Variants in CLDN14 observed in about 807,000 individuals in gnomAD.
CLDN14 encodes claudin 14, also known as claudin-14.
A neutral mutation model predicts 2.1 loss-of-function variants in CLDN14; 2 were observed. The ratio of observed to expected loss-of-function variants is 0.96; its 90% CI spans 0.39 to 3.01. The LOEUF (loss-of-function observed/expected upper bound fraction) is 3.01. Ranked by LOEUF, CLDN14 falls within the 30% of genes most tolerant of loss-of-function variation. The pLI is 0.09. For missense variants in CLDN14, 298 were observed against 328.0 expected (o/e 0.91, Z 0.71); for synonymous variants, 136 against 154.4 (o/e 0.88, Z 0.88).
intron 2 of CLDN14, chr21:36,486,138 C>T (rs773431634): frequency 2.0e-5 from 26 of 1,285,608 alleles, no homozygotes; most frequent in Middle Eastern, 1.8e-4. Context: ...TGCATCACGT[C>T]GTAATCATCC....
chr21:36,482,639 G>A (rs1351251513), upstream of CLDN14, among the ~76,000 whole-genome samples: 4 of 152,290 alleles, frequency 2.6e-5, no homozygotes, highest in East Asian at 3.9e-4. Context: ...TTGGGTTACC[G>A]TTTTGGGTCC....
At position 36,498,088 on chromosome 21, in the gene CLDN14, C is replaced by T. The variant is rs578074686; in HGVS notation, c.-82+12275G>A. On this transcript the variant is annotated intron_variant, in intron 2 of 2. Transcript: ENST00000342108. The surrounding 1 kb of genome is among the most constrained non-coding windows in gnomAD (Gnocchi z 4.9). The stretch of plus-strand genomic sequence containing the variant: ...AATCTTGGCTCACTGCAACCTCCAC[C>T]GCCCGGGGTTCAAGCGATTCTCCTG... Among the ~76,000 whole-genome samples the T allele has an allele frequency of 4.8e-4, 73 of 152,114 alleles. No homozygotes were observed. Among genetic ancestry groups the T allele is most frequent in the East Asian group, 1.2e-3 (6 of 5,174 alleles).
chr21:36,535,990 A>G (rs758190795), intron 1 of CLDN14, among the ~76,000 whole-genome samples: 1 of 152,218 alleles, frequency 6.6e-6, no homozygotes, highest in Non-Finnish European at 1.5e-5. Context: ...TCCTCACTGC[A>G]ACACCATCTG....
intron 2 of CLDN14, among the ~76,000 whole-genome samples, chr21:36,490,877 C>T (rs1023305802): frequency 6.6e-6 from 1 of 152,084 alleles, no homozygotes; most frequent in African/African-American, 2.4e-5. Flanking sequence ...CTCCCAAACA[C>T]ATGAACATAT....
At chr21:36,529,764 A>G (rs1568870982) in intron 1 of CLDN14, among the ~76,000 whole-genome samples, 1 of 152,250 alleles carries the variant, frequency 6.6e-6, no homozygotes. Context: ...ACGTTGTCTC[A>G]TAATCTTTTC....
chr21:36,541,658 C>G (rs1174730592), intron 1 of CLDN14, among the ~76,000 whole-genome samples: 1 of 152,126 alleles, frequency 6.6e-6, no homozygotes, highest in African/African-American at 2.4e-5. Context: ...TTGTCAATAA[C>G]AATTTTACAC....
intron 2 of CLDN14, among the ~76,000 whole-genome samples, chr21:36,489,212 G>A (rs2086936894): frequency 8.1e-6 from 1 of 122,886 alleles, no homozygotes; most frequent in Non-Finnish European, 1.6e-5. Flanking sequence ...GAGAGAAAGA[G>A]AGAGAGAGAG....
rs759850341 is a variant in CLDN14, at chr21:36,461,587, C to T, written c.109G>A (p.Gly37Ser). 2.5e-6 allele frequency: 4 copies of T among 1,611,532 alleles called. No homozygotes were observed. The South Asian group carries it at 4.4e-5, about 18-fold the overall frequency. The change falls in exon 2 of 2, where the codon GGC (glycine) becomes AGC (serine). Residue 37 changes from glycine to serine, a missense_variant. Transcript: ENST00000399135. ...GACACGGCCGTGAGGATGTTGGTGC[C>T]CACGTGCGCTGTCCTCCGCCAGTGC... Reference protein sequence around the residue: ...LPHWRRTAHVGTNILTAVSYL... With the variant: ...LPHWRRTAHVSTNILTAVSYL...
intron 1 of CLDN14, among the ~76,000 whole-genome samples, chr21:36,519,104 C>G (rs1354930518): frequency 2.6e-5 from 4 of 152,182 alleles, no homozygotes; most frequent in Admixed American, 6.5e-5. Flanking sequence ...AGCTGCAGAA[C>G]AGGAAGGGGT....
intron 1 of CLDN14, among the ~76,000 whole-genome samples, chr21:36,561,381 C>T (rs532842905): frequency 3.3e-5 from 5 of 152,330 alleles, no homozygotes; most frequent in South Asian, 2.1e-4. Context: ...TTAGGACCAA[C>T]GGGCTACCTC....
chr21:36,485,338 A>C (rs537261627), intron 2 of CLDN14, among the ~76,000 whole-genome samples: 1 of 151,158 alleles, frequency 6.6e-6, no homozygotes, highest in African/African-American at 2.4e-5. Context: ...CCTCCCAAGT[A>C]GCTGGGATTA....
intron 1 of CLDN14, among the ~76,000 whole-genome samples, chr21:36,515,094 G>A (rs909844630): frequency 9.2e-5 from 14 of 152,152 alleles, no homozygotes; most frequent in African/African-American, 3.4e-4. Flanking sequence ...AAATTGAAAC[G>A]CTTTTGCACT....
rs1485493204 is a variant in CLDN14 at position 36,544,298 on chromosome 21, T to C, written c.-220+32113A>G. Among the ~76,000 whole-genome samples the C allele has an allele frequency of 6.6e-6, 1 of 152,032 alleles. No homozygotes were observed. Among genetic ancestry groups the C allele is most frequent in the Non-Finnish European group, 1.5e-5 (1 of 68,002 alleles). ...CAATGGCCTTTTCTTGGCTGAGGAGTGCCAGGGAACCAAGCCTCTCAGTAC... is the reference window on the plus strand; with the variant it reads ...CAATGGCCTTTTCTTGGCTGAGGAGCGCCAGGGAACCAAGCCTCTCAGTAC... On this transcript the variant is annotated intron_variant, in intron 1 of 2. Coordinates refer to the CLDN14 transcript ENST00000342108. The surrounding 1 kb of genome is among the most constrained non-coding windows in gnomAD (Gnocchi z 4.1).
At chr21:36,561,123 G>C (rs1162248673) in intron 1 of CLDN14, among the ~76,000 whole-genome samples, 1 of 152,182 alleles carries the variant, frequency 6.6e-6, no homozygotes, top group Admixed American at 6.5e-5. Flanking sequence ...GCAACAGTTT[G>C]TGGATGTGTC....
intron 1 of CLDN14, among the ~76,000 whole-genome samples, chr21:36,512,690 T>G (rs73392035): frequency 6.6e-6 from 1 of 152,198 alleles, no homozygotes; most frequent in Non-Finnish European, 1.5e-5. Flanking sequence ...TATATGTGTA[T>G]GCATGTGAAC....
chr21:36,474,000 G>T (rs913622716), intron 1 of CLDN14, among the ~76,000 whole-genome samples: 1 of 152,208 alleles, frequency 6.6e-6, no homozygotes, highest in African/African-American at 2.4e-5. Flanking sequence ...GATAAGCTCA[G>T]TTTCGGCGGA....
chr21:36,572,235 C>T (rs1293703261), intron 1 of CLDN14, among the ~76,000 whole-genome samples: 2 of 152,092 alleles, frequency 1.3e-5, no homozygotes, highest in Non-Finnish European at 2.9e-5. Context: ...CCAGCCCTGG[C>T]GTAACCTGAA....
intron 1 of CLDN14, among the ~76,000 whole-genome samples, chr21:36,522,730 C>T (rs1415665517): frequency 6.6e-6 from 1 of 152,182 alleles, no homozygotes; most frequent in South Asian, 2.1e-4. Context: ...CTCTCTTTTC[C>T]AAACTTTGGC....
At chr21:36,553,505 C>A (rs558017461) in intron 1 of CLDN14, among the ~76,000 whole-genome samples, 1 of 152,084 alleles carries the variant, frequency 6.6e-6, no homozygotes, top group African/African-American at 2.4e-5. Context: ...TGGCCAACAC[C>A]AGCATCCAAG....
Sources: gnomAD v4.1 joint callset for allele counts (sites outside exome capture counted in the v4.1 genomes callset) on GRCh38, gnomAD v4.1.1 for gene constraint, Gnocchi (gnomAD v3.1) non-coding constraint, MANE v1.5 for transcripts, NCBI Gene and HGNC (gene_info 2026-07-23, HGNC 2026-07-21) for gene names.